ZNF536: variants seen among roughly 807,000 people sequenced by gnomAD.
ZNF536 encodes the protein zinc finger protein 536.
In ZNF536, 13 loss-of-function variants were observed where a neutral mutation model predicts 84.5. The observed-to-expected ratio is 0.15, with a 90% CI of 0.10 to 0.24. The LOEUF (loss-of-function observed/expected upper bound fraction) is 0.24, where lower values mean the gene tolerates loss of function less well. ZNF536 is among the 10% of genes least tolerant of loss of function. The pLI, the probability that ZNF536 is intolerant of heterozygous loss-of-function variation, is 1.00. For missense variants in ZNF536, 1,536 were observed against 1,747.5 expected, an observed-to-expected ratio of 0.88 and a Z score of 2.16; for synonymous variants, 811 against 742.5, an observed-to-expected ratio of 1.09 and a Z score of -1.50.
At chr19:30,613,907 G>C (rs1328957034) in intron 1 of ZNF536, among the ~76,000 whole-genome samples, 1 of 152,088 alleles carries the variant, frequency 6.6e-6, no homozygotes, top group Non-Finnish European at 1.5e-5. Flanking sequence ...CTGTTGTCCG[G>C]GCTGGAGCGC....
chr19:30,276,151 G>A (rs1383163712), intron 1 of ZNF536, among the ~76,000 whole-genome samples: 1 of 152,102 alleles, frequency 6.6e-6, no homozygotes, highest in Non-Finnish European at 1.5e-5. Context: ...GGGTTGGGGT[G>A]GTGGGGGCTT....
chr19:30,544,511 T>A (rs1254220373), intron 3 of ZNF536, among the ~76,000 whole-genome samples: 1 of 152,160 alleles, frequency 6.6e-6, no homozygotes, highest in Non-Finnish European at 1.5e-5. Context: ...AGGGATGCTA[T>A]CTTCCTGTGC....
At chr19:30,511,530 C>T (rs2055414193) in intron 2 of ZNF536, among the ~76,000 whole-genome samples, 1 of 152,102 alleles carries the variant, frequency 6.6e-6, no homozygotes, top group Non-Finnish European at 1.5e-5. Context: ...CGAATTCAAG[C>T]AGTTGTCTCA....
intron 1 of ZNF536, among the ~76,000 whole-genome samples, chr19:30,619,770 G>A (rs1040313925): frequency 3.3e-5 from 5 of 152,126 alleles, no homozygotes; most frequent in African/African-American, 1.2e-4. Flanking sequence ...GCTCTGTGGG[G>A]GACAGAAATT....
chr19:30,367,868 C>T (rs1448958632), upstream of ZNF536, among the ~76,000 whole-genome samples: 1 of 152,236 alleles, frequency 6.6e-6, no homozygotes, highest in Non-Finnish European at 1.5e-5. Context: ...TTCCTTCTTC[C>T]TGTGTCCCAG....
chr19:30,679,383 T>C (rs2050879559), intron 1 of ZNF536, among the ~76,000 whole-genome samples: 1 of 152,152 alleles, frequency 6.6e-6, no homozygotes, highest in Non-Finnish European at 1.5e-5. Context: ...AGCTGAGTCT[T>C]TCTTGGCTGC....
chr19:30,626,614 C>T (rs979916741), intron 1 of ZNF536, among the ~76,000 whole-genome samples: 2 of 152,156 alleles, frequency 1.3e-5, no homozygotes, highest in African/African-American at 2.4e-5. Context: ...CCGCTACCCC[C>T]ACTTGGAGGC....
At chr19:30,226,940 G>T (rs983901345), upstream of ZNF536, among the ~76,000 whole-genome samples, 1 of 151,648 alleles carries the variant, frequency 6.6e-6, no homozygotes, top group Non-Finnish European at 1.5e-5. The surrounding 1 kb of genome is among the most constrained non-coding windows in gnomAD (Gnocchi z 4.6). Flanking sequence ...TTTCGAAGAT[G>T]AATTGAGGAA....
chr19:30,360,988 C>T (rs936053006), intron 3 of ZNF536, among the ~76,000 whole-genome samples: 1 of 152,250 alleles, frequency 6.6e-6, no homozygotes, highest in Non-Finnish European at 1.5e-5. Flanking sequence ...TGCTTAATAA[C>T]AATCACCTTC....
In ZNF536 at chr19:30,444,114, C is replaced by T. The variant is rs766942588; in HGVS notation, c.552C>T (p.Asn184=). 5 of 1,611,844 alleles carry T rather than the reference C, an allele frequency of 3.1e-6. No homozygotes were observed. The South Asian group carries it at 4.4e-5, about 14-fold the overall frequency. The change falls in exon 2 of 5, where the codon AAC becomes AAT. Residue 184 remains asparagine, a synonymous_variant. Coordinates refer to ENST00000355537, the MANE Select transcript of ZNF536 (RefSeq NM_014717.3). ...ACCTGCGGACCCACAAGCTGGGCAA[C>T]CTGGGCAAGGGGCGTGGGCGTGTGC... ...KIHLRTHKLG[N]LGKGRGRVRE...
intron 1 of ZNF536, among the ~76,000 whole-genome samples, chr19:30,385,637 C>T (rs1166479574): frequency 6.6e-6 from 1 of 152,190 alleles, no homozygotes; most frequent in Non-Finnish European, 1.5e-5. Context: ...GCATGACAAG[C>T]TGCCATCTCC....
At chr19:30,500,419 G>A (rs2145296788) in intron 2 of ZNF536, among the ~76,000 whole-genome samples, 1 of 152,326 alleles carries the variant, frequency 6.6e-6, no homozygotes, top group East Asian at 1.9e-4. Flanking sequence ...AGGATGCAGT[G>A]GGATGGGTGT....
chr19:30,431,266 G>A (rs1238050270), intron 1 of ZNF536, among the ~76,000 whole-genome samples: 3 of 152,138 alleles, frequency 2.0e-5, no homozygotes, highest in East Asian at 3.9e-4. Context: ...CAGAGGCTGG[G>A]CCAGTCTGGT....
At chr19:30,341,392 G>A (rs1337594280) in intron 2 of ZNF536, among the ~76,000 whole-genome samples, 1 of 152,152 alleles carries the variant, frequency 6.6e-6, no homozygotes, top group Non-Finnish European at 1.5e-5. Flanking sequence ...ACACAAGAGG[G>A]AATATCTTTT....
chr19:30,561,516 G>T (rs1288631685), downstream of ZNF536, among the ~76,000 whole-genome samples: 2 of 152,210 alleles, frequency 1.3e-5, no homozygotes, highest in Non-Finnish European at 2.9e-5. Flanking sequence ...GCAGGCAGTA[G>T]ATATGGGAGG....
intron 1 of ZNF536, among the ~76,000 whole-genome samples, chr19:30,630,939 A>G (rs1471820040): frequency 1.3e-5 from 2 of 152,194 alleles, no homozygotes; most frequent in Non-Finnish European, 2.9e-5. Context: ...AAGAAATCCT[A>G]AAAAATTCAG....
intron 2 of ZNF536, among the ~76,000 whole-genome samples, chr19:30,494,318 C>T (rs985261423): frequency 2.6e-5 from 4 of 152,166 alleles, no homozygotes; most frequent in African/African-American, 4.8e-5. Flanking sequence ...CTTTGCACTA[C>T]GGGAACAGCT....
intron 2 of ZNF536, among the ~76,000 whole-genome samples, chr19:30,466,578 GAAAGAA>G (rs2053404157): frequency 7.6e-6 from 1 of 131,316 alleles, no homozygotes; most frequent in Non-Finnish European, 1.5e-5. Context: ...AAGAAAGAAA[GAAAGAA>G]AGAGAGAGAG....
intron 1 of ZNF536, among the ~76,000 whole-genome samples, chr19:30,593,028 T>A (rs1433918444): frequency 6.6e-6 from 1 of 152,240 alleles, no homozygotes; most frequent in Non-Finnish European, 1.5e-5. Flanking sequence ...TCATTAGACC[T>A]GTTGTAAAAA....
Sources: gnomAD v4.1 joint callset for allele counts (sites outside exome capture counted in the v4.1 genomes callset) on GRCh38, gnomAD v4.1.1 for gene constraint, Gnocchi (gnomAD v3.1) non-coding constraint, MANE v1.5 for transcripts, NCBI Gene and HGNC (gene_info 2026-07-23, HGNC 2026-07-21) for gene names.